CCL17: variants seen among roughly 807,000 people sequenced by gnomAD.
The protein encoded by CCL17 is C-C motif chemokine 17.
A neutral mutation model predicts 7.4 loss-of-function variants in CCL17; 8 were observed. The observed-to-expected ratio is 1.09, with a 90% CI of 0.64 to 1.96. CCL17 has a LOEUF of 1.96. CCL17 is among the 30% of genes most tolerant of loss of function. CCL17 has a pLI of 0.00. For synonymous variants in CCL17, 40 were observed against 46.1 expected (o/e 0.87, Z 0.54); for missense variants, 102 against 113.0 (o/e 0.90, Z 0.44).
At position 57,415,006 on chromosome 16, in the gene CCL17, G is replaced by A. The variant is rs1257295524; in HGVS notation, c.71-75G>A. ...GGACACGCACATGCAGATCTTCCAC[G>A]AACACCCCCCAGAGGTCCCCGCAAC... On this transcript the variant is annotated intron_variant, in intron 2 of 3. Transcript: ENST00000219244. The surrounding 1 kb of genome is among the most constrained non-coding windows in gnomAD (Gnocchi z 4.5). The A allele has an allele frequency of 8.6e-6, 8 of 933,198 alleles. No individual in the cohort carries two copies. Among genetic ancestry groups the A allele is most frequent in the Non-Finnish European group, 1.4e-5 (8 of 563,510 alleles). The allele number at this position is 933,198 out of a possible 1,614,324, so 57.8% of individuals were successfully genotyped here. A position where few individuals can be genotyped will look rare whatever the true frequency, so the allele number is the denominator to read the frequency against.
intron 1 of CCL17, among the ~76,000 whole-genome samples, chr16:57,410,948 C>T (rs1472483971): frequency 6.6e-6 from 1 of 152,202 alleles, no homozygotes; most frequent in East Asian, 1.9e-4. Context: ...GTGTGACTGG[C>T]TCTTAGCCTT....
At chr16:57,399,138 C>T in the CCL17 span, among the ~76,000 whole-genome samples, 1 of 152,188 alleles carries the variant, frequency 6.6e-6, no homozygotes, top group African/African-American at 2.4e-5. Context: ...TAAGATCTTG[C>T]ATCAGGACTC....
chr16:57,400,239 A>G (rs530074152), upstream of CCL17, among the ~76,000 whole-genome samples: 2 of 152,120 alleles, frequency 1.3e-5, no homozygotes, highest in Non-Finnish European at 2.9e-5. Flanking sequence ...GGCGCCTGTA[A>G]TCTCAGCTAC....
upstream of CCL17, among the ~76,000 whole-genome samples, chr16:57,403,668 A>ATTTT (rs1246215437): frequency 3.3e-5 from 3 of 91,154 alleles, no homozygotes; most frequent in African/African-American, 9.5e-5. Flanking sequence ...ATATATATAT[A>ATTTT]TTTTTTGAGA....
Position 57,415,239 on chromosome 16 carries a change from C to A in CCL17, c.188+41C>A, listed in dbSNP as rs761962607. 3 of 1,353,068 alleles carry A rather than the reference C, an allele frequency of 2.2e-6. No individual in the cohort carries two copies. Among genetic ancestry groups the A allele is most frequent in the African/African-American group, 1.4e-5 (1 of 69,784 alleles). 83.8% of individuals were successfully genotyped at this position (1,353,068 alleles called of 1,614,324 possible). ...TCCACCCCTGCTCCTCAGGGCCAAG[C>A]ATGGGGACAAGTGCACCCTGGAGCT... On this transcript the variant is annotated intron_variant, in intron 3 of 3. Transcript: ENST00000219244. This position sits in a 1 kb window ranked among gnomAD's most constrained non-coding sequence, Gnocchi z 4.5.
chr16:57,414,087 T>A, intron 2 of CCL17, 85 bp downstream of exon 2: 1 of 1,041,010 alleles, frequency 9.6e-7, no homozygotes, highest in Non-Finnish European at 1.4e-6. Flanking sequence ...AATACACACG[T>A]TTGTGTATTA....
intron 1 of CCL17, among the ~76,000 whole-genome samples, chr16:57,413,216 T>C (rs1902813272): frequency 6.6e-6 from 1 of 152,220 alleles, no homozygotes; most frequent in Admixed American, 6.5e-5. Context: ...ACCGTTGGGC[T>C]CTTGCCTCCT....
At chr16:57,401,524 G>GA (rs148565902), upstream of CCL17, among the ~76,000 whole-genome samples, 2,292 of 123,968 alleles carry the variant, frequency 0.018, 23 homozygotes, top group South Asian at 0.072. Context: ...ACTCTGTCTG[G>GA]AAAAAAAAAA....
chr16:57,411,061 A>G (rs1448180541), intron 1 of CCL17, among the ~76,000 whole-genome samples: 1 of 152,108 alleles, frequency 6.6e-6, no homozygotes. Flanking sequence ...CCCCTGTGCA[A>G]TGTCCTTTCT....
upstream of CCL17, among the ~76,000 whole-genome samples, chr16:57,403,425 A>AAT (rs1173288967): frequency 4.1e-4 from 6 of 14,780 alleles, no homozygotes; most frequent in African/African-American, 7.2e-4. Context: ...ATTATATTAT[A>AAT]ATATATATTA....
At chr16:57,401,246 C>T (rs371224975), upstream of CCL17, among the ~76,000 whole-genome samples, 6 of 151,698 alleles carry the variant, frequency 4.0e-5, no homozygotes, top group African/African-American at 1.2e-4. Flanking sequence ...TGAACAGGCC[C>T]GGTGTGGTGG....
intron 1 of CCL17, among the ~76,000 whole-genome samples, chr16:57,408,461 G>T (rs1902732883): frequency 6.6e-6 from 1 of 152,130 alleles, no homozygotes; most frequent in African/African-American, 2.4e-5. Flanking sequence ...GCCCAGGCTG[G>T]AGTGCAGTGG....
chr16:57,407,485 G>A (rs997150204), intron 1 of CCL17, among the ~76,000 whole-genome samples: 4 of 152,186 alleles, frequency 2.6e-5, no homozygotes, highest in African/African-American at 9.7e-5. Flanking sequence ...GGGATAGAAT[G>A]TGAGTTGGGC....
At chr16:57,402,465 C>T (rs1472053681), upstream of CCL17, among the ~76,000 whole-genome samples, 1 of 152,086 alleles carries the variant, frequency 6.6e-6, no homozygotes. Flanking sequence ...CAGGACAATC[C>T]CCCCACCCCG....
chr16:57,411,464 T>C (rs223900), intron 1 of CCL17, among the ~76,000 whole-genome samples: 116,596 of 152,226 alleles, frequency 0.77, 45,664 homozygotes, highest in African/African-American at 0.91. Context: ...GAAGAAAGCT[T>C]TGAGTCTGCA....
chr16:57,414,348 C>T (rs1902832503), intron 2 of CCL17, among the ~76,000 whole-genome samples: 1 of 147,780 alleles, frequency 6.8e-6, no homozygotes, highest in Admixed American at 6.8e-5. Flanking sequence ...AGGTTTTATG[C>T]ACAATGAGGG....
At chr16:57,403,652 A>T (rs1236918620), upstream of CCL17, among the ~76,000 whole-genome samples, 65 of 84,434 alleles carry the variant, frequency 7.7e-4, 1 homozygote, top group African/African-American at 2.8e-3. Context: ...AATATATATA[A>T]TATATATATA....
the CCL17 span, among the ~76,000 whole-genome samples, chr16:57,399,230 C>T: frequency 6.6e-6 from 1 of 152,146 alleles, no homozygotes; most frequent in Admixed American, 6.5e-5. Flanking sequence ...CTGGACCTGT[C>T]TGACCTGTTT....
At chr16:57,408,070 ACCAT>A (rs1902724952) in intron 1 of CCL17, among the ~76,000 whole-genome samples, 1 of 147,522 alleles carries the variant, frequency 6.8e-6, no homozygotes, top group South Asian at 2.2e-4. Context: ...ACATCCATCT[ACCAT>A]CCATCCATCT....
Sources: gnomAD v4.1 joint callset for allele counts (sites outside exome capture counted in the v4.1 genomes callset) on GRCh38, gnomAD v4.1.1 for gene constraint, Gnocchi (gnomAD v3.1) non-coding constraint, MANE v1.5 for transcripts, NCBI Gene and HGNC (gene_info 2026-07-23, HGNC 2026-07-21) for gene names.